The following GGT1 variants were observed in gnomAD, a reference collection of about 807,000 sequenced individuals.
The protein encoded by GGT1 is gamma-glutamyltransferase 1, also known as glutathione hydrolase 1 proenzyme.
In GGT1, 21 loss-of-function variants were observed where a neutral mutation model predicts 56.0. The observed-to-expected ratio is 0.38, with a 90% CI of 0.27 to 0.54. The LOEUF (loss-of-function observed/expected upper bound fraction) is 0.54, where lower values mean the gene tolerates loss of function less well. Among genes scored for constraint, GGT1 ranks in the 20% least tolerant of loss-of-function variants. The pLI, the probability that GGT1 is intolerant of heterozygous loss-of-function variation, is 0.82. For missense variants in GGT1, 466 were observed against 787.0 expected (o/e 0.59, Z 4.88); for synonymous variants, 238 against 342.6 (o/e 0.69, Z 3.37).
chr22:24,585,844 G>A, the GGT1 span: 7 of 1,508,128 alleles, frequency 4.6e-6, no homozygotes, highest in Non-Finnish European at 6.2e-6. Flanking sequence ...ATGTGCTTGA[G>A]AGCATCACAA....
At chr22:24,622,946 A>T (rs1171241577) in intron 9 of GGT1, among the ~76,000 whole-genome samples, 161 bp from the exon 10 acceptor site, 6 of 151,994 alleles carry the variant, frequency 3.9e-5, no homozygotes, top group African/African-American at 1.2e-4. Context: ...GCACAGTCCC[A>T]CCCCTCCAGT....
intron 1 of GGT1, among the ~76,000 whole-genome samples, chr22:24,596,742 C>CAAAAAAA (rs57547019): frequency 5.7e-4 from 62 of 108,326 alleles, no homozygotes; most frequent in East Asian, 8.3e-4. Context: ...TACTAAAATA[C>CAAAAAAA]AAAAAAAAAA....
the GGT1 span, chr22:24,588,471 C>A: frequency 1.3e-6 from 1 of 762,042 alleles, no homozygotes; most frequent in African/African-American, 1.7e-5. Context: ...CCAGGGCCTC[C>A]CCCTCCTACC....
intron 7 of GGT1, among the ~76,000 whole-genome samples, 183 bp downstream of exon 7, chr22:24,615,310 G>A (rs1190930248): frequency 2.0e-5 from 3 of 152,110 alleles, no homozygotes; most frequent in African/African-American, 7.2e-5. Flanking sequence ...CATGGTAAAG[G>A]GCCGGGAGCT....
At chr22:24,621,196 A>C in intron 9 of GGT1, 126 bp downstream of exon 9, 1 of 1,468,064 alleles carries the variant, frequency 6.8e-7, no homozygotes, top group Non-Finnish European at 9.0e-7. Context: ...GAGGAGGGTC[A>C]GTGACTGGCC....
upstream of GGT1, chr22:24,593,003 C>A: frequency 2.7e-6 from 3 of 1,129,936 alleles, no homozygotes; most frequent in East Asian, 4.7e-5. Flanking sequence ...TCAGAGCCAG[C>A]CTCGGGCCCG....
the GGT1 span, chr22:24,588,704 C>T: frequency 3.7e-6 from 4 of 1,084,082 alleles, no homozygotes; most frequent in Non-Finnish European, 3.4e-6. Context: ...CCAGACCAGG[C>T]CCCTCGAGGG....
upstream of GGT1, chr22:24,592,974 G>A (rs1245236357): frequency 2.6e-6 from 3 of 1,167,490 alleles, no homozygotes; most frequent in African/African-American, 3.2e-5. Flanking sequence ...CGGGCCCGCA[G>A]CCGGCCGCCG....
At chr22:24,622,521 G>A (rs1041054764) in intron 9 of GGT1, among the ~76,000 whole-genome samples, 5 of 152,178 alleles carry the variant, frequency 3.3e-5, no homozygotes, top group Admixed American at 2.6e-4. Context: ...CCGATATCGC[G>A]CCACTGCACT....
At chr22:24,610,933 C>G in intron 4 of GGT1, 142 bp from the exon 5 acceptor site, 1 of 685,640 alleles carries the variant, frequency 1.5e-6, no homozygotes. Flanking sequence ...GGGGGCCGGA[C>G]AGCCTGCACG....
chr22:24,626,633 T>C (rs2047796747), intron 11 of GGT1, among the ~76,000 whole-genome samples: 1 of 151,710 alleles, frequency 6.6e-6, no homozygotes. Context: ...TTGATTCTTC[T>C]CTTTCTCCCA....
chr22:24,594,384 CGTGTGTAT>C (rs796761216), upstream of GGT1, among the ~76,000 whole-genome samples: 71 of 140,194 alleles, frequency 5.1e-4, no homozygotes, highest in East Asian at 1.4e-3. Flanking sequence ...GCCAAGCACC[CGTGTGTAT>C]GTGTGTGTGT....
In GGT1 at chr22:24,627,519, A is replaced by G. The variant is rs561005732; in HGVS notation, c.1108A>G (p.Lys370Glu). 2.5e-6 allele frequency: 4 copies of G among 1,606,266 alleles called. No homozygotes were observed. The highest frequency in any genetic ancestry group is 4.5e-5 in the East Asian group (2 of 44,676). Residue 370 changes from lysine (K) to glutamate (E), a missense_variant, in exon 12 of 16, where the codon AAG (lysine) becomes GAG (glutamate). By Grantham distance (56) the Lys-to-Glu change is moderately conservative. Coordinates refer to ENST00000400382, the MANE Select transcript of GGT1 (RefSeq NM_001288833.2). ...DDTTHPISYY[K>E]PEFYTPDDGG... Reference sequence around the variant, plus strand: ...CACCACTCACCCGATCTCCTACTACAAGCCCGAGTTCTACACGCCGGATGA... The same window carrying G: ...CACCACTCACCCGATCTCCTACTACGAGCCCGAGTTCTACACGCCGGATGA...
At chr22:24,588,629 G>T in the GGT1 span, 3 of 1,096,684 alleles carry the variant, frequency 2.7e-6, no homozygotes, top group Non-Finnish European at 3.5e-6. Context: ...CCAGCGTCTC[G>T]GGCTATCAGC....
chr22:24,609,282 C>T (rs1212051345), intron 2 of GGT1: 3 of 151,282 alleles, frequency 2.0e-5, no homozygotes, highest in African/African-American at 7.3e-5. Flanking sequence ...GAGTTCAGGT[C>T]AGAAACAGGT....
At chr22:24,625,122 G>C (rs918796220) in intron 11 of GGT1, among the ~76,000 whole-genome samples, 15 of 152,166 alleles carry the variant, frequency 9.9e-5, no homozygotes, top group Non-Finnish European at 1.8e-4. Flanking sequence ...ATTGGGATTC[G>C]TGTTTTTCTG....
Position 24,628,289 on chromosome 22 carries a change from C to T in GGT1, c.1464C>T (p.Asn488=). 1.2e-6 allele frequency: 2 copies of T among 1,611,964 alleles called. No homozygotes were observed. Among genetic ancestry groups the T allele is most frequent in the Non-Finnish European group, 1.7e-6 (2 of 1,179,834 alleles). The change falls in exon 15 of 16, where the codon AAC becomes AAT. Residue 488 remains asparagine, a synonymous_variant. Transcript: ENST00000400382. The surrounding 1 kb of genome is among the most constrained non-coding windows in gnomAD (Gnocchi z 5.7). ...CCATGCCCCAGGCCATCATCTACAA[C>T]CTCTGGTTCGGCTATGACGTGAAGC... The part of the protein sequence containing the change: ...TTATALAIIY[N]LWFGYDVKRA...
upstream of GGT1, chr22:24,592,979 C>T (rs1301010626): frequency 8.6e-7 from 1 of 1,162,460 alleles, no homozygotes; most frequent in Non-Finnish European, 1.1e-6. Context: ...CCGCAGCCGG[C>T]CGCCGCCCCG....
At chr22:24,625,572 C>T (rs993281284) in intron 11 of GGT1, among the ~76,000 whole-genome samples, 10 of 151,434 alleles carry the variant, frequency 6.6e-5, no homozygotes, top group South Asian at 2.1e-4. Flanking sequence ...GACAGAGTCT[C>T]GCTCTGTTGC....
Sources: allele counts gnomAD v4.1 joint callset (sites outside exome capture counted in the v4.1 genomes callset), GRCh38; gene constraint gnomAD v4.1.1; non-coding constraint Gnocchi (gnomAD v3.1); transcripts MANE v1.5; gene names NCBI Gene and HGNC (gene_info 2026-07-23, HGNC 2026-07-21).